The following ANK1 variants were observed in gnomAD, a reference collection of about 807,000 sequenced individuals.
ANK1 encodes the protein ankyrin 1, also known as ankyrin-1.
Under a neutral mutation model 210.4 loss-of-function variants are expected in ANK1, and 51 were observed. That is an observed-to-expected ratio of 0.24 (90% CI 0.19 to 0.31). ANK1 has a LOEUF of 0.31. Ranked by LOEUF, ANK1 falls within the 10% of genes least tolerant of loss-of-function variation. The pLI is 1.00. For missense variants in ANK1, 2,051 were observed against 2,504.4 expected, an observed-to-expected ratio of 0.82 and a Z score of 3.86; for synonymous variants, 967 against 1,025.9, an observed-to-expected ratio of 0.94 and a Z score of 1.10.
chr8:41,847,822 TA>T (rs1276753462), intron 1 of ANK1, among the ~76,000 whole-genome samples: 9 of 152,208 alleles, frequency 5.9e-5, no homozygotes, highest in Non-Finnish European at 1.2e-4. Context: ...TATGTGCATT[TA>T]AAATGCATGT....
chr8:41,772,965 C>T (rs936055337), intron 1 of ANK1, among the ~76,000 whole-genome samples: 4 of 152,128 alleles, frequency 2.6e-5, no homozygotes, highest in African/African-American at 4.8e-5. Context: ...CCAGGAGCAT[C>T]GCTGTTGGGG....
chr8:41,741,899 T>C (rs497561), intron 2 of ANK1, among the ~76,000 whole-genome samples: 135,101 of 152,262 alleles, frequency 0.89, 60,010 homozygotes, highest in African/African-American at 0.89. Context: ...GGTCCTAACA[T>C]AGGAGATAAC....
At chr8:41,808,463 G>A (rs1160822414) in intron 1 of ANK1, among the ~76,000 whole-genome samples, 8 of 152,056 alleles carry the variant, frequency 5.3e-5, no homozygotes, top group African/African-American at 1.7e-4. Flanking sequence ...TCAGGAATTC[G>A]AGACCAGCCT....
intron 1 of ANK1, 146 bp from the exon 2 acceptor site, chr8:41,758,283 C>A (rs1586745289): frequency 3.9e-6 from 3 of 765,698 alleles, no homozygotes; most frequent in Admixed American, 3.7e-5. Context: ...TGCACAGGAG[C>A]CTGAGAGCCC....
rs529756700 is a variant in ANK1, at chr8:41,857,542, C to A, written c.126+38813G>T. On this transcript the variant is annotated intron_variant, in intron 1 of 42. Coordinates refer to the ANK1 transcript ENST00000265709. ...TCACCTGAGGTTGGGAGTTCGAGAC[C>A]AGCCTGACCAACATGGAGAAAGTCC... Among the ~76,000 whole-genome samples, 3 of 151,928 alleles carry A rather than the reference C, an allele frequency of 2.0e-5. No homozygotes were observed. In the South Asian group the frequency reaches 6.2e-4, roughly 32 times the overall value.
intron 1 of ANK1, among the ~76,000 whole-genome samples, chr8:41,760,125 T>A (rs1279850643): frequency 6.6e-6 from 1 of 152,164 alleles, no homozygotes; most frequent in Non-Finnish European, 1.5e-5. Context: ...CCTTTAAAGA[T>A]GAGTGACAGC....
chr8:41,724,324 G>A (rs1830123692), intron 7 of ANK1, 132 bp downstream of exon 7: 1 of 789,392 alleles, frequency 1.3e-6, no homozygotes, highest in Admixed American at 2.0e-5. Flanking sequence ...CCAGCAAGGA[G>A]CCCGACCAGA....
chr8:41,780,830 G>T (rs2150746964), intron 1 of ANK1, among the ~76,000 whole-genome samples: 1 of 152,236 alleles, frequency 6.6e-6, no homozygotes, highest in East Asian at 1.9e-4. Context: ...ATGCATAGAT[G>T]TGTGTGTGCA....
At chr8:41,789,700 G>A (rs960131907) in intron 1 of ANK1, among the ~76,000 whole-genome samples, 7 of 152,172 alleles carry the variant, frequency 4.6e-5, no homozygotes, top group African/African-American at 1.7e-4. Flanking sequence ...TAGAGAGTTA[G>A]GAGACAGACG....
At chr8:41,866,648 G>T (rs1198991076) in intron 1 of ANK1, among the ~76,000 whole-genome samples, 1 of 152,150 alleles carries the variant, frequency 6.6e-6, no homozygotes, top group African/African-American at 2.4e-5. Context: ...TTCTCCCACT[G>T]GAAATCACTG....
chr8:41,820,206 C>A (rs1486910773), intron 1 of ANK1, among the ~76,000 whole-genome samples: 1 of 151,608 alleles, frequency 6.6e-6, no homozygotes, highest in African/African-American at 2.4e-5. Flanking sequence ...GTCACCCAGG[C>A]TGGAATGCAA....
chr8:41,896,537 C>T, exon 1 of ANK1: 1 of 1,533,400 alleles, frequency 6.5e-7, no homozygotes, highest in African/African-American at 1.4e-5. Flanking sequence ...CAGCGATCCC[C>T]GAGGCGACAC....
At chr8:41,671,428 C>T (rs569344589) in intron 38 of ANK1, among the ~76,000 whole-genome samples, 47 of 152,248 alleles carry the variant, frequency 3.1e-4, no homozygotes, top group African/African-American at 1.1e-3. Context: ...GAGCTCCGAA[C>T]GCCAGCTCCA....
At chr8:41,736,663 G>A (rs1456803990) in intron 2 of ANK1, among the ~76,000 whole-genome samples, 3 of 152,196 alleles carry the variant, frequency 2.0e-5, no homozygotes, top group Non-Finnish European at 4.4e-5. Context: ...AGCATCTGTG[G>A]GTCCTGAATG....
intron 1 of ANK1, among the ~76,000 whole-genome samples, chr8:41,786,684 G>A (rs1432624799): frequency 1.3e-5 from 2 of 152,140 alleles, no homozygotes; most frequent in African/African-American, 2.4e-5. Context: ...TGTGGTGGTC[G>A]GTGCCACACA....
intron 1 of ANK1, among the ~76,000 whole-genome samples, chr8:41,823,872 T>A (rs1804894480): frequency 6.6e-6 from 1 of 152,202 alleles, no homozygotes; most frequent in South Asian, 2.1e-4. Context: ...TAACTTGGCA[T>A]TTATCGTTCA....
intron 42 of ANK1, 196 bp downstream of exon 42, chr8:41,661,234 T>C: frequency 1.3e-6 from 1 of 789,624 alleles, no homozygotes; most frequent in Non-Finnish European, 2.0e-6. Flanking sequence ...TTAACTCTGT[T>C]TCCTTGATGA....
intron 1 of ANK1, among the ~76,000 whole-genome samples, chr8:41,817,917 C>T (rs1043825974): frequency 3.3e-5 from 5 of 152,194 alleles, no homozygotes; most frequent in Admixed American, 6.5e-5. Context: ...AACCCTGAGA[C>T]GATGCTCCTG....
rs1414595912 is a variant in ANK1, at chr8:41,782,441, A to G, written c.27+15071T>C. Among the ~76,000 whole-genome samples the G allele has an allele frequency of 2.0e-5, 3 of 152,168 alleles. No individual in the cohort carries two copies. In the East Asian group the frequency reaches 5.8e-4, roughly 29 times the overall value. ...TCCTTTTACCTATTTGCCACTAAGC[A>G]GCAAGCCACTGAACCATTCCACTCC... On this transcript the variant is annotated intron_variant, in intron 1 of 42. Transcript: ENST00000289734.
Sources: gnomAD v4.1 joint callset for allele counts (sites outside exome capture counted in the v4.1 genomes callset) on GRCh38, gnomAD v4.1.1 for gene constraint, MANE v1.5 for transcripts, NCBI Gene and HGNC (gene_info 2026-07-23, HGNC 2026-07-21) for gene names.